Variants in DMXL1 observed in about 807,000 individuals in gnomAD.
The protein encoded by DMXL1 is Dmx like 1.
A neutral mutation model predicts 319.2 loss-of-function variants in DMXL1; 99 were observed. The ratio of observed to expected loss-of-function variants is 0.31; its 90% CI spans 0.26 to 0.37. The LOEUF (loss-of-function observed/expected upper bound fraction) is 0.37, where lower values mean the gene tolerates loss of function less well. Among genes scored for constraint, DMXL1 ranks in the 10% least tolerant of loss-of-function variants. The pLI is 1.00. For synonymous variants in DMXL1, 1,385 were observed against 1,235.2 expected (o/e 1.12, Z -2.54); for missense variants, 3,745 against 3,595.6 (o/e 1.04, Z -1.06).
At chr5:119,196,290 A>T (rs1424046853) in intron 30 of DMXL1, 81 bp from the exon 31 acceptor site, 21 of 1,051,796 alleles carry the variant, frequency 2.0e-5, no homozygotes, top group Non-Finnish European at 2.4e-5. Flanking sequence ...CTGATAGTGG[A>T]ATTTGTTGAG....
At chr5:119,178,620 C>T (rs1776260821) in intron 28 of DMXL1, 1 of 985,378 alleles carries the variant, frequency 1.0e-6, no homozygotes, top group Non-Finnish European at 1.2e-6. Context: ...GTGGTATTCT[C>T]CATGGAATGT....
chr5:119,116,636 A>C (rs887988803), intron 7 of DMXL1, among the ~76,000 whole-genome samples: 3 of 152,166 alleles, frequency 2.0e-5, no homozygotes, highest in Admixed American at 2.0e-4. Context: ...TAATTCTGTC[A>C]TCTATTTTCT....
At chr5:119,186,753 T>C (rs1475494401) in intron 28 of DMXL1, among the ~76,000 whole-genome samples, 1 of 152,194 alleles carries the variant, frequency 6.6e-6, no homozygotes, top group East Asian at 1.9e-4. Context: ...TTTGGGTTCT[T>C]TGGGGAGTTA....
chr5:119,217,018 TTAAG>T, intron 35 of DMXL1, 31 bp downstream of exon 35: 1 of 1,255,574 alleles, frequency 8.0e-7, no homozygotes, highest in Non-Finnish European at 1.1e-6. Flanking sequence ...CTTTTGTTTA[TTAAG>T]TATTTATAGT....
At chr5:119,192,526 A>G (rs1226821965) in intron 29 of DMXL1, among the ~76,000 whole-genome samples, 1 of 152,044 alleles carries the variant, frequency 6.6e-6, no homozygotes, top group Admixed American at 6.6e-5. Flanking sequence ...TTTCATACTT[A>G]CTTATATAAC....
Position 119,121,084 on chromosome 5 carries a change from GCATGCCAA to G in DMXL1, c.1048_1055del (p.His350CysfsTer30). ...ATCATGTTCACAGGAACACTCCACT[GCATGCCAA>G]TGCACTTTGCCACTTTCATATTGCA... On this transcript the variant is annotated frameshift_variant, in exon 9 of 44. Coordinates refer to ENST00000539542, the MANE Select transcript of DMXL1 (RefSeq NM_001290321.3). LOFTEE classifies it high-confidence loss of function. 6.2e-7 allele frequency: 1 copy of G among 1,612,194 alleles called. No individual in the cohort carries two copies. Among genetic ancestry groups the G allele is most frequent in the Non-Finnish European group, 8.5e-7 (1 of 1,179,508 alleles).
intron 31 of DMXL1, among the ~76,000 whole-genome samples, chr5:119,197,329 G>GA (rs1444484983): frequency 1.3e-5 from 2 of 152,096 alleles, no homozygotes; most frequent in African/African-American, 4.8e-5. Context: ...GAGCTAAAAA[G>GA]AAAAATCACA....
At chr5:119,130,510 T>C (rs891036111) in intron 10 of DMXL1, among the ~76,000 whole-genome samples, 1 of 152,076 alleles carries the variant, frequency 6.6e-6, no homozygotes, top group Non-Finnish European at 1.5e-5. Context: ...ACCTGGCTAA[T>C]TTTTTTATTT....
intron 18 of DMXL1, among the ~76,000 whole-genome samples, chr5:119,151,355 G>A (rs1400369177): frequency 6.6e-6 from 1 of 151,974 alleles, no homozygotes; most frequent in Non-Finnish European, 1.5e-5. Context: ...AACTTGAAAG[G>A]AAAATATAGG....
Position 119,220,946 on chromosome 5 carries a change from A to C in DMXL1, c.8142A>C (p.Glu2714Asp), listed in dbSNP as rs745713237. The change falls in exon 37 of 44, where the codon GAA (glutamate) becomes GAC (aspartate). Residue 2714 changes from glutamate (E) to aspartate (D), a missense_variant. This residue lies in a region of DMXL1 where 1,382 missense variants were observed against 1,269.5 expected (regional missense o/e 1.09). Coordinates refer to ENST00000539542, the MANE Select transcript of DMXL1 (RefSeq NM_001290321.3). ...DDIEVETKGS[E>D]DFLVIHARDD... ...GGTTGACATTCCTTTATAGATCAGA[A>C]GATTTCTTGGTTATACATGCTCGTG... The C allele has an allele frequency of 6.2e-7, 1 of 1,613,116 alleles. No homozygotes were observed. Among genetic ancestry groups the C allele is most frequent in the South Asian group, 1.1e-5 (1 of 90,960 alleles).
At position 119,095,086 on chromosome 5, in the gene DMXL1, C is replaced by T. The variant is rs1319011497; in HGVS notation, c.88-2893C>T. Among the ~76,000 whole-genome samples, 4 of 144,522 alleles carry T rather than the reference C, an allele frequency of 2.8e-5. No homozygotes were observed. The East Asian group carries it at 5.8e-4, about 21-fold the overall frequency. The allele number at this position is 144,522 out of a possible 152,430, so 94.8% of individuals were successfully genotyped here. ...CCCAAGCTAGTCTTTAACTCCTGGA[C>T]CCAAGCGACTCACCTGTCTTGGCCT... On this transcript the variant is annotated intron_variant, in intron 1 of 43. Transcript: ENST00000539542.
At chr5:119,106,590 C>A (rs1023034611) in intron 4 of DMXL1, among the ~76,000 whole-genome samples, 7 of 152,010 alleles carry the variant, frequency 4.6e-5, no homozygotes, top group African/African-American at 7.2e-5. Context: ...GAATTTAATT[C>A]TTTATGGTTG....
chr5:119,163,267 A>G (rs926519638), intron 19 of DMXL1, among the ~76,000 whole-genome samples: 4 of 152,232 alleles, frequency 2.6e-5, no homozygotes, highest in Non-Finnish European at 5.9e-5. Context: ...TGAGGCATTA[A>G]GAGACAACGT....
intron 1 of DMXL1, among the ~76,000 whole-genome samples, chr5:119,092,913 A>G (rs1202326795): frequency 6.6e-6 from 1 of 152,200 alleles, no homozygotes; most frequent in Non-Finnish European, 1.5e-5. Context: ...TGGACATTTG[A>G]GTTGTTTCCC....
At chr5:119,220,736 A>G in intron 36 of DMXL1, 143 bp downstream of exon 36, 1 of 1,195,798 alleles carries the variant, frequency 8.4e-7, no homozygotes, top group Non-Finnish European at 1.2e-6. Flanking sequence ...AGGGGTGGCA[A>G]GAGCTTTAAA....
At chr5:119,236,876 T>TATTTTACTTTGATAATACTTATATC (rs1787854133) in intron 39 of DMXL1, 1 of 152,068 alleles carries the variant, frequency 6.6e-6, no homozygotes, top group Non-Finnish European at 1.5e-5. Flanking sequence ...ATAGCGGAAT[T>TATTTTACTTTGATAATACTTATATC]ATTTTACTTT....
At position 119,129,295 on chromosome 5, in the gene DMXL1, A is replaced by G. The variant is rs1203296540; in HGVS notation, c.1187A>G (p.Asn396Ser). The change falls in exon 10 of 44, where the codon AAC becomes AGC. Residue 396 changes from asparagine (N) to serine (S), a missense_variant. By Grantham distance (46) the Asn-to-Ser change is conservative (BLOSUM62 1). Coordinates refer to ENST00000539542, the MANE Select transcript of DMXL1 (RefSeq NM_001290321.3). The part of the protein sequence containing the change: ...KTGPFVVHWL[N>S]NKELHFTLSM... The stretch of plus-strand genomic sequence containing the variant: ...GGACCTTTTGTTGTACACTGGCTAA[A>G]CAATAAAGAACTGCATTTTACTTTG... The G allele has an allele frequency of 6.2e-7, 1 of 1,613,738 alleles. No individual in the cohort carries two copies. Among genetic ancestry groups the G allele is most frequent in the Non-Finnish European group, 8.5e-7 (1 of 1,179,894 alleles).
chr5:119,120,494 C>G (rs1426645903), intron 8 of DMXL1, among the ~76,000 whole-genome samples: 2 of 152,158 alleles, frequency 1.3e-5, no homozygotes, highest in Non-Finnish European at 2.9e-5. Context: ...CACTGCCTGC[C>G]TCATGGCATC....
intron 3 of DMXL1, among the ~76,000 whole-genome samples, chr5:119,103,010 A>G (rs1248647461): frequency 1.3e-5 from 2 of 152,122 alleles, no homozygotes; most frequent in African/African-American, 4.8e-5. Context: ...TAATTTGTAC[A>G]AGAAAATCCC....
Sources: allele counts gnomAD v4.1 joint callset (sites outside exome capture counted in the v4.1 genomes callset), GRCh38; gene constraint gnomAD v4.1.1; regional missense constraint gnomAD v4.1.1; transcripts MANE v1.5; gene names NCBI Gene and HGNC (gene_info 2026-07-23, HGNC 2026-07-21).